DDI2: variants seen among roughly 807,000 people sequenced by gnomAD.
DDI2 encodes the protein DDI proteasomal shuttling factor 2.
A neutral mutation model predicts 48.1 loss-of-function variants in DDI2; 5 were observed. The ratio of observed to expected loss-of-function variants is 0.10; its 90% CI spans 0.05 to 0.22. The LOEUF (loss-of-function observed/expected upper bound fraction) is 0.22. DDI2 is among the 10% of genes least tolerant of loss of function. The pLI, the probability that DDI2 is intolerant of heterozygous loss-of-function variation, is 1.00. For synonymous variants in DDI2, 205 were observed against 183.6 expected, an observed-to-expected ratio of 1.12 and a Z score of -0.94; for missense variants, 285 against 506.2, an observed-to-expected ratio of 0.56 and a Z score of 4.19.
At chr1:15,626,629 C>G (rs376309082) in intron 1 of DDI2, 40 bp from the exon 2 acceptor site, 5 of 1,612,284 alleles carry the variant, frequency 3.1e-6, no homozygotes, top group Non-Finnish European at 4.2e-6. Context: ...TGTGTTACTT[C>G]TCAGTGCTTT....
chr1:15,627,686 T>C (rs1168091942), intron 2 of DDI2, among the ~76,000 whole-genome samples: 1 of 152,224 alleles, frequency 6.6e-6, no homozygotes, highest in East Asian at 1.9e-4. Flanking sequence ...GTGAAACAGC[T>C]TGGTGAAATG....
At chr1:15,647,264 C>T (rs766828303) in intron 6 of DDI2, among the ~76,000 whole-genome samples, 12 of 151,958 alleles carry the variant, frequency 7.9e-5, no homozygotes, top group South Asian at 2.1e-4. Context: ...TCTCCTGCCT[C>T]AGCCTCCCGA....
Position 15,620,810 on chromosome 1 carries a change from A to G in DDI2, c.138+3002A>G, listed in dbSNP as rs112136810. Among the ~76,000 whole-genome samples, 900 of 152,304 alleles carry G rather than the reference A, an allele frequency of 5.9e-3. 9 individuals are homozygous for G. Among genetic ancestry groups the G allele is most frequent in the African/African-American group, 0.02 (846 of 41,552 alleles). ...TATGTTATCTGTAAAGTAACATTGT[A>G]CACACACAAAATGGAGCTTAAGGAA... On this transcript the variant is annotated intron_variant, in intron 1 of 9. Coordinates refer to ENST00000480945, the MANE Select transcript of DDI2 (RefSeq NM_032341.5).
In DDI2 at chr1:15,667,257, G is replaced by A. The variant is rs1173830553; in HGVS notation, c.*7467G>A. On this transcript the variant is annotated 3_prime_UTR_variant, in exon 10 of 10. Coordinates refer to ENST00000480945, the MANE Select transcript of DDI2 (RefSeq NM_032341.5). ...GGAATCAGAGAAACCAACAAAATAT[G>A]TAACATGTATAAATGCCTGAGGAGA... 1 of 151,734 alleles carries A rather than the reference G, an allele frequency of 6.6e-6. No homozygotes were observed. The highest frequency in any genetic ancestry group is 1.5e-5 in the Non-Finnish European group (1 of 67,964). 9.4% of individuals were successfully genotyped at this position (151,734 alleles called of 1,614,324 possible). A position where few individuals can be genotyped will look rare whatever the true frequency, so the allele number is the denominator to read the frequency against.
intron 6 of DDI2, among the ~76,000 whole-genome samples, chr1:15,647,911 C>T (rs1640115922): frequency 6.6e-6 from 1 of 152,108 alleles, no homozygotes. Flanking sequence ...TTGCAGTGAG[C>T]CGAGATCATG....
chr1:15,659,751 G>C, intron 9 of DDI2, 86 bp from the exon 10 acceptor site: 1 of 1,354,808 alleles, frequency 7.4e-7, no homozygotes, highest in Non-Finnish European at 9.7e-7. Flanking sequence ...TTTATTCTAC[G>C]CTGTTTAGAT....
At chr1:15,650,395 G>A (rs1286271104) in intron 7 of DDI2, among the ~76,000 whole-genome samples, 2 of 152,150 alleles carry the variant, frequency 1.3e-5, no homozygotes, top group Non-Finnish European at 2.9e-5. Context: ...CATGCTCAGG[G>A]TGGTATGGCT....
intron 1 of DDI2, among the ~76,000 whole-genome samples, chr1:15,622,146 T>C (rs921858164): frequency 1.4e-4 from 21 of 152,142 alleles, no homozygotes; most frequent in African/African-American, 4.8e-4. Flanking sequence ...CAATCACAGC[T>C]CACTGTATCC....
At chr1:15,651,341 C>A (rs192065566) in intron 7 of DDI2, among the ~76,000 whole-genome samples, 1 of 152,158 alleles carries the variant, frequency 6.6e-6, no homozygotes, top group African/African-American at 2.4e-5. Flanking sequence ...TTAGCATTAG[C>A]ATGGAGTAAA....
chr1:15,618,821 C>T (rs1205201560), intron 1 of DDI2, among the ~76,000 whole-genome samples: 2 of 152,216 alleles, frequency 1.3e-5, no homozygotes, highest in Non-Finnish European at 2.9e-5. Flanking sequence ...ATAGAGGTCT[C>T]CCAAGTCTCC....
Position 15,660,426 on chromosome 1 carries a change from C to T in DDI2, c.*636C>T. The T allele has an allele frequency of 6.2e-7, 1 of 1,614,000 alleles. No homozygotes were observed. The stretch of plus-strand genomic sequence containing the variant: ...TTGCACAACAAAAAGCTTCACATGA[C>T]CAAGAATATCTTTGTAACATAGGGG... On this transcript the variant is annotated 3_prime_UTR_variant, in exon 10 of 10. Transcript: ENST00000480945.
At position 15,649,795 on chromosome 1, in the gene DDI2, T is replaced by G; in HGVS notation, c.965T>G (p.Leu322Arg). ...GAGGAACAGCCCATGGACATGCTTC[T>G]GGGACTGGACATGCTTAAACGGCAC... The part of the protein sequence containing the change: ...ILEEQPMDML[L>R]GLDMLKRHQC... Residue 322 changes from leucine to arginine, a missense_variant, in exon 7 of 10, where the codon CTG (leucine) becomes CGG (arginine). This residue lies in a region of DDI2 where 70 missense variants were observed against 182.3 expected (regional missense o/e 0.38). Transcript: ENST00000480945. 6.2e-7 allele frequency: 1 copy of G among 1,613,458 alleles called. No homozygotes were observed. Among genetic ancestry groups the G allele is most frequent in the Non-Finnish European group, 8.5e-7 (1 of 1,179,748 alleles).
intron 1 of DDI2, among the ~76,000 whole-genome samples, chr1:15,619,500 C>G (rs1008673033): frequency 2.7e-5 from 4 of 148,878 alleles, no homozygotes; most frequent in Non-Finnish European, 4.4e-5. Flanking sequence ...GAGTCTCTGT[C>G]GCCTAGGCTG....
At chr1:15,649,915 CTAAGAAA>C (rs1570986156) in intron 7 of DDI2, 92 bp downstream of exon 7, 1 of 1,272,296 alleles carries the variant, frequency 7.9e-7, no homozygotes. Flanking sequence ...TACTGGAAAA[CTAAGAAA>C]TAACGACTTT....
intron 4 of DDI2, among the ~76,000 whole-genome samples, chr1:15,636,159 A>G (rs1639923342): frequency 6.6e-6 from 1 of 152,156 alleles, no homozygotes; most frequent in Admixed American, 6.6e-5. Context: ...GTTTTGAGAC[A>G]GGGCCTCCGA....
intron 8 of DDI2, among the ~76,000 whole-genome samples, chr1:15,655,500 C>G (rs1185884520): frequency 6.6e-6 from 1 of 151,586 alleles, no homozygotes; most frequent in Non-Finnish European, 1.5e-5. Context: ...GCCTGTAATC[C>G]CAACACTTTG....
At chr1:15,634,064 G>T in intron 4 of DDI2, 1 of 227,718 alleles carries the variant, frequency 4.4e-6, no homozygotes, top group Non-Finnish European at 9.0e-6. Context: ...TGGCCTCAGT[G>T]GATAAACTGA....
chr1:15,642,807 C>T (rs1640030817), intron 5 of DDI2, among the ~76,000 whole-genome samples: 1 of 152,204 alleles, frequency 6.6e-6, no homozygotes, highest in African/African-American at 2.4e-5. Context: ...GTGGCTCACG[C>T]CTGTAATCCC....
rs1640188746 is a variant in DDI2, at chr1:15,651,874, C to G, written c.1162C>G (p.Gln388Glu). ...IADQELAEAL[Q>E]KSAEDAERQK... The stretch of plus-strand genomic sequence containing the variant: ...AGACCAAGAATTAGCAGAAGCCCTT[C>G]AAAAATCAGCAGAGGATGCAGGTAT... Residue 388 changes from glutamine to glutamate, a missense_variant, in exon 8 of 10, where the codon CAA becomes GAA. Around this residue, in one of 3 missense-constraint regions of DDI2, gnomAD observed 66 missense variants for 87.3 expected, o/e 0.76. Transcript: ENST00000480945. 1 of 1,613,066 alleles carries G rather than the reference C, an allele frequency of 6.2e-7. No homozygotes were observed. Among genetic ancestry groups the G allele is most frequent in the Non-Finnish European group, 8.5e-7 (1 of 1,179,672 alleles).
Sources: gnomAD v4.1 joint callset for allele counts (sites outside exome capture counted in the v4.1 genomes callset) on GRCh38, gnomAD v4.1.1 for gene constraint, gnomAD v4.1.1 regional missense constraint, MANE v1.5 for transcripts, NCBI Gene and HGNC (gene_info 2026-07-23, HGNC 2026-07-21) for gene names.